HTR7: variants seen among roughly 807,000 people sequenced by gnomAD.
HTR7 encodes 5-hydroxytryptamine receptor 7, also known as 5-HT-7.
A neutral mutation model predicts 34.0 loss-of-function variants in HTR7; 16 were observed. The ratio of observed to expected loss-of-function variants is 0.47; its 90% confidence interval spans 0.32 to 0.71. The LOEUF (loss-of-function observed/expected upper bound fraction) is 0.71, where lower values mean the gene tolerates loss of function less well. Ranked by LOEUF, HTR7 falls within the 30% of genes least tolerant of loss-of-function variation. The pLI is 0.04. For missense variants in HTR7, 504 were observed against 625.5 expected, an observed-to-expected ratio of 0.81 and a Z score of 2.07; for synonymous variants, 265 against 260.2, an observed-to-expected ratio of 1.02 and a Z score of -0.18.
At chr10:90,796,129 C>A (rs943889569) in intron 1 of HTR7, among the ~76,000 whole-genome samples, 1 of 152,206 alleles carries the variant, frequency 6.6e-6, no homozygotes, top group Non-Finnish European at 1.5e-5. Flanking sequence ...CAACCTCCCC[C>A]TTCCTATCAT....
At chr10:90,790,400 T>C (rs963943437) in intron 1 of HTR7, among the ~76,000 whole-genome samples, 2 of 152,186 alleles carry the variant, frequency 1.3e-5, no homozygotes, top group Non-Finnish European at 2.9e-5. Context: ...TCTTTTTCTG[T>C]TTTGATTTGT....
In HTR7 at chr10:90,794,946, G is replaced by A. The variant is rs541450120; in HGVS notation, c.540-45352C>T. On this transcript the variant is annotated intron_variant, in intron 1 of 3. Coordinates refer to ENST00000336152, the MANE Select transcript of HTR7 (RefSeq NM_019859.4). ...ATCAGAAATCACTAGGAACTTTTCAGCTCCATCATAATCTTATGGAACCAC... is the reference window on the plus strand; with the variant it reads ...ATCAGAAATCACTAGGAACTTTTCAACTCCATCATAATCTTATGGAACCAC... Among the ~76,000 whole-genome samples the A allele has an allele frequency of 2.6e-5, 4 of 152,316 alleles. No individual in the cohort carries two copies. In the South Asian group the frequency reaches 8.3e-4, roughly 32 times the overall value.
intron 1 of HTR7, among the ~76,000 whole-genome samples, chr10:90,842,655 G>T (rs1390466078): frequency 1.3e-5 from 2 of 151,838 alleles, no homozygotes; most frequent in African/African-American, 4.8e-5. Flanking sequence ...TGCCTTCATG[G>T]CTGACACCCA....
intron 1 of HTR7, among the ~76,000 whole-genome samples, chr10:90,785,264 CA>C (rs1845363174): frequency 6.6e-6 from 1 of 152,136 alleles, no homozygotes; most frequent in Non-Finnish European, 1.5e-5. Flanking sequence ...ATGAATGAAA[CA>C]TGCAGAAAAC....
intron 1 of HTR7, among the ~76,000 whole-genome samples, chr10:90,803,432 C>T (rs917533753): frequency 7.2e-5 from 11 of 152,154 alleles, no homozygotes; most frequent in Middle Eastern, 3.4e-3. Context: ...GGTGTTTTTC[C>T]CTTACTAGTT....
intron 1 of HTR7, among the ~76,000 whole-genome samples, chr10:90,774,390 C>A (rs1275411662): frequency 6.6e-6 from 1 of 152,164 alleles, no homozygotes; most frequent in Admixed American, 6.5e-5. Flanking sequence ...GTACTCAGTA[C>A]TCATTTTGTG....
chr10:90,815,199 C>T (rs1261855045), intron 1 of HTR7, among the ~76,000 whole-genome samples: 1 of 151,598 alleles, frequency 6.6e-6, no homozygotes, highest in East Asian at 1.9e-4. Context: ...TCAACCAATT[C>T]TCCTGCCTCA....
At chr10:90,746,135 T>C (rs1844629797) in intron 2 of HTR7, among the ~76,000 whole-genome samples, 1 of 152,244 alleles carries the variant, frequency 6.6e-6, no homozygotes, top group African/African-American at 2.4e-5. Flanking sequence ...ACGCCCTTGT[T>C]TTGTTATTTT....
chr10:90,794,691 T>C (rs1259822701), intron 1 of HTR7, among the ~76,000 whole-genome samples: 1 of 152,046 alleles, frequency 6.6e-6, no homozygotes, highest in East Asian at 1.9e-4. Flanking sequence ...TTTGTAGGGA[T>C]AGGGTCTCCC....
chr10:90,764,891 A>G (rs909893882), intron 1 of HTR7, among the ~76,000 whole-genome samples: 1 of 152,062 alleles, frequency 6.6e-6, no homozygotes, highest in African/African-American at 2.4e-5. Context: ...GGTGTATCAT[A>G]TTTATTGATT....
intron 1 of HTR7, among the ~76,000 whole-genome samples, chr10:90,795,126 C>T (rs191701723): frequency 6.6e-6 from 1 of 152,274 alleles, no homozygotes; most frequent in African/African-American, 2.4e-5. Context: ...CATGAGATTG[C>T]AGATATCTCA....
intron 1 of HTR7, among the ~76,000 whole-genome samples, chr10:90,805,095 A>G (rs1271591076): frequency 1.3e-5 from 2 of 152,170 alleles, no homozygotes; most frequent in African/African-American, 4.8e-5. Context: ...ACTTTGTACT[A>G]TGAAAGGTCT....
At chr10:90,817,477 T>C (rs1009977853) in intron 1 of HTR7, among the ~76,000 whole-genome samples, 2 of 152,210 alleles carry the variant, frequency 1.3e-5, no homozygotes, top group Non-Finnish European at 2.9e-5. Flanking sequence ...TCTATTCCCA[T>C]TTTCTTCAAA....
chr10:90,756,167 A>G (rs1844830305), intron 1 of HTR7, among the ~76,000 whole-genome samples: 1 of 152,240 alleles, frequency 6.6e-6, no homozygotes, highest in African/African-American at 2.4e-5. Flanking sequence ...TGGTGACAGA[A>G]GCCAGAATGG....
chr10:90,774,983 A>G (rs547886934), intron 1 of HTR7, among the ~76,000 whole-genome samples: 1 of 152,240 alleles, frequency 6.6e-6, no homozygotes, highest in East Asian at 1.9e-4. Flanking sequence ...TGCGTGCAGC[A>G]GAGGGACTGC....
At chr10:90,830,837 A>G (rs1846157926) in intron 1 of HTR7, among the ~76,000 whole-genome samples, 1 of 151,498 alleles carries the variant, frequency 6.6e-6, no homozygotes, top group South Asian at 2.1e-4. Context: ...CCCAGTTACG[A>G]TGCTCCACAA....
intron 1 of HTR7, among the ~76,000 whole-genome samples, chr10:90,811,198 G>A (rs1052024627): frequency 2.0e-5 from 3 of 152,104 alleles, no homozygotes; most frequent in East Asian, 3.8e-4. Flanking sequence ...CCGGGATCGC[G>A]TCCTGTAGCC....
At chr10:90,836,664 A>G (rs1336210282) in intron 1 of HTR7, among the ~76,000 whole-genome samples, 1 of 149,150 alleles carries the variant, frequency 6.7e-6, no homozygotes, top group African/African-American at 2.5e-5. Flanking sequence ...GGCGTGTACC[A>G]CCACACCAGA....
chr10:90,748,444 T>C (rs1361836026), intron 2 of HTR7, among the ~76,000 whole-genome samples: 4 of 152,234 alleles, frequency 2.6e-5, no homozygotes, highest in African/African-American at 9.6e-5. Context: ...AAGAAGAATT[T>C]ATCTGTGAAG....
Sources: gnomAD v4.1 joint callset for allele counts (sites outside exome capture counted in the v4.1 genomes callset) on GRCh38, gnomAD v4.1.1 for gene constraint, MANE v1.5 for transcripts, NCBI Gene and HGNC (gene_info 2026-07-23, HGNC 2026-07-21) for gene names.